AHNAK2: variants seen among roughly 807,000 people sequenced by gnomAD.
AHNAK2 encodes the protein protein AHNAK2.
In AHNAK2, 18 loss-of-function variants were observed where a neutral mutation model predicts 30.7. The ratio of observed to expected loss-of-function variants is 0.59; its 90% CI spans 0.41 to 0.87. AHNAK2 has a LOEUF of 0.87. AHNAK2 is among the 40% of genes least tolerant of loss of function. AHNAK2 has a pLI of 0.00. For synonymous variants in AHNAK2, 3,590 were observed against 3,073.8 expected, an observed-to-expected ratio of 1.17 and a Z score of -5.56; for missense variants, 8,604 against 7,373.0, an observed-to-expected ratio of 1.17 and a Z score of -6.11.
Position 104,947,975 on chromosome 14 carries a change from T to G in AHNAK2, c.7476A>C (p.Ser2492=), listed in dbSNP as rs79130434. ...RFKIPKFKMP[S]FGVSAPGKSI... ...ACTTGCCTGGGGCAGACACCCCGAATGACGGCATCTTGAACTTGGGAATTT... is the reference window on the plus strand; with the variant it reads ...ACTTGCCTGGGGCAGACACCCCGAAGGACGGCATCTTGAACTTGGGAATTT... The change falls in exon 7 of 7, where the codon TCA becomes TCC. Residue 2492 remains serine, a synonymous_variant. Coordinates refer to ENST00000333244, the MANE Select transcript of AHNAK2 (RefSeq NM_138420.4). The G allele has an allele frequency of 1.2e-4, 192 of 1,610,916 alleles. 2 individuals carry two copies. The East Asian group carries it at 2.5e-3, about 21-fold the overall frequency.
At chr14:104,973,712 C>G (rs1899531301) in intron 1 of AHNAK2, among the ~76,000 whole-genome samples, 1 of 152,238 alleles carries the variant, frequency 6.6e-6, no homozygotes, top group Middle Eastern at 3.2e-3. Flanking sequence ...CGGACTCCTG[C>G]CTGGAACAGC....
rs1300892851 is a variant in AHNAK2, at chr14:104,950,342, G to C, written c.5109C>G (p.Thr1703=). 1.3e-6 allele frequency: 2 copies of C among 1,585,188 alleles called. No homozygotes were observed. The highest frequency in any genetic ancestry group is 2.8e-5 in the African/African-American group (2 of 71,956). The part of the protein sequence containing the change: ...SLPSMQGDLK[T]TDLSIQSPSA... ...AAGGGGACTGAATGCTGAGGTCAGTGGTCTTCAGGTCCCCCTGCATGGAGG... is the reference window on the plus strand; with the variant it reads ...AAGGGGACTGAATGCTGAGGTCAGTCGTCTTCAGGTCCCCCTGCATGGAGG... Residue 1703 remains threonine (T), a synonymous_variant, in exon 7 of 7, where the codon ACC becomes ACG. Transcript: ENST00000333244.
At chr14:104,970,404 G>C in intron 1 of AHNAK2, 1 of 985,096 alleles carries the variant, frequency 1.0e-6, no homozygotes, top group Non-Finnish European at 1.2e-6. Flanking sequence ...CCACAGACCC[G>C]CGGAAGAGTG....
rs371553223 is a variant in AHNAK2 at position 104,947,857 on chromosome 14, T to C, written c.7594A>G (p.Ser2532Gly). The change falls in exon 7 of 7, where the codon AGC becomes GGC. Residue 2532 changes from serine to glycine, a missense_variant. Physicochemically the swap from Ser to Gly is moderately conservative, Grantham distance 56 (BLOSUM62 0). Coordinates refer to ENST00000333244, the MANE Select transcript of AHNAK2 (RefSeq NM_138420.4). ...AGGTCAGCGGAAGGGGGCTGAATGC[T>C]GAGGTCAGTGGCCTTGAGGTCCCCC... ...MQGDLKATDL[S>G]IQPPSADLEV... 2 of 1,612,470 alleles carry C rather than the reference T, an allele frequency of 1.2e-6. No individual in the cohort carries two copies. Among genetic ancestry groups the C allele is most frequent in the South Asian group, 2.2e-5 (2 of 91,024 alleles).
intron 1 of AHNAK2, among the ~76,000 whole-genome samples, chr14:104,970,030 G>A (rs1899430228): frequency 6.6e-6 from 1 of 152,124 alleles, no homozygotes. Flanking sequence ...CCCTTCTCCA[G>A]GCCCCACGCC....
Position 104,951,117 on chromosome 14 carries a change from A to G in AHNAK2, c.4334T>C (p.Val1445Ala), listed in dbSNP as rs199604161. 341 of 1,062,472 alleles carry G rather than the reference A, an allele frequency of 3.2e-4. 64 individuals carry two copies. Among genetic ancestry groups the G allele is most frequent in the African/African-American group, 2.9e-3 (191 of 66,848 alleles). 65.8% of individuals were successfully genotyped at this position (1,062,472 alleles called of 1,614,324 possible). Residue 1445 changes from valine to alanine, a missense_variant, in exon 7 of 7, where the codon GTG (valine) becomes GCG (alanine). By Grantham distance (64) the Val-to-Ala change is moderately conservative (BLOSUM62 0). Coordinates refer to ENST00000333244, the MANE Select transcript of AHNAK2 (RefSeq NM_138420.4). ...CTCCACATCAGGGGCTGTCACTTCCACCTTGGGGTCTTTTAGGTCCAGCTT... is the reference window on the plus strand; with the variant it reads ...CTCCACATCAGGGGCTGTCACTTCCGCCTTGGGGTCTTTTAGGTCCAGCTT... ...GPKLDLKDPK[V>A]EVTAPDVEVS...
Position 104,952,435 on chromosome 14 carries a change from G to A in AHNAK2, c.3016C>T (p.Pro1006Ser). The change falls in exon 7 of 7, where the codon CCG becomes TCG. Residue 1006 changes from proline to serine, a missense_variant. Physicochemically the swap from Pro to Ser is moderately conservative, Grantham distance 74. Coordinates refer to ENST00000333244, the MANE Select transcript of AHNAK2 (RefSeq NM_138420.4). ...CCTGGGGCCGATACCCCGAACGACG[G>A]CATCTTGAACTTGGGCATTTTGAAC... ...SKFKMPKFKM[P>S]SFGVSAPGKS... The A allele has an allele frequency of 6.2e-7, 1 of 1,612,662 alleles. No homozygotes were observed. The highest frequency in any genetic ancestry group is 8.5e-7 in the Non-Finnish European group (1 of 1,179,596).
In AHNAK2 at chr14:104,944,491, C is replaced by T. The variant is rs771707374; in HGVS notation, c.10960G>A (p.Gly3654Arg). Residue 3654 changes from glycine (G) to arginine (R), a missense_variant, in exon 7 of 7, where the codon GGG becomes AGG. Gly to Arg is a moderately radical substitution (Grantham distance 125). Transcript: ENST00000333244. ...TCCACCGAGGCCTCCATGGACTTCC[C>T]TGGGGCCGATACCCTGAATGACGGC... ...KMPSFRVSAPGKSMEASVDVS... is the reference protein window; with the variant it reads ...KMPSFRVSAPRKSMEASVDVS... 4.2e-5 allele frequency: 67 copies of T among 1,613,132 alleles called. No homozygotes were observed. The highest frequency in any genetic ancestry group is 2.7e-4 in the South Asian group (25 of 91,018).
At chr14:104,961,755 T>C (rs574360984) in intron 1 of AHNAK2, among the ~76,000 whole-genome samples, 1 of 152,276 alleles carries the variant, frequency 6.6e-6, no homozygotes, top group Middle Eastern at 3.4e-3. Flanking sequence ...GGAGGAACAC[T>C]TGAGGCCAGG....
In AHNAK2 at chr14:104,939,192, A is replaced by G. The variant is rs1230658394; in HGVS notation, c.16259T>C (p.Ile5420Thr). Residue 5420 changes from isoleucine to threonine, a missense_variant, in exon 7 of 7, where the codon ATT becomes ACT. Coordinates refer to ENST00000333244, the MANE Select transcript of AHNAK2 (RefSeq NM_138420.4). Reference sequence around the variant, plus strand: ...ACTTTCCTTACAAAGGGCTGTATCAATATTGGCCTCTGGACACTGCACTTC... The same window carrying G: ...ACTTTCCTTACAAAGGGCTGTATCAGTATTGGCCTCTGGACACTGCACTTC... The part of the protein sequence containing the change: ...VREVQCPEAN[I>T]DTALCKESPG... 3 of 1,613,744 alleles carry G rather than the reference A, an allele frequency of 1.9e-6. No homozygotes were observed. Among genetic ancestry groups the G allele is most frequent in the Non-Finnish European group, 2.5e-6 (3 of 1,179,848 alleles).
In AHNAK2 at chr14:104,943,272, T is replaced by C. The variant is rs1372944949; in HGVS notation, c.12179A>G (p.Lys4060Arg). Residue 4060 changes from lysine to arginine, a missense_variant, in exon 7 of 7, where the codon AAG (lysine) becomes AGG (arginine). By Grantham distance (26) the Lys-to-Arg change is conservative. Transcript: ENST00000333244. ...HLPKVQMPSF[K>R]MPKVDLKGPQ... ...GCCCTTGAGGTCCACTTTGGGCATCTTGAAACTGGGCATCTGCACCTTGGG... is the reference window on the plus strand; with the variant it reads ...GCCCTTGAGGTCCACTTTGGGCATCCTGAAACTGGGCATCTGCACCTTGGG... 6.2e-7 allele frequency: 1 copy of C among 1,612,882 alleles called. No homozygotes were observed. Among genetic ancestry groups the C allele is most frequent in the Non-Finnish European group, 8.5e-7 (1 of 1,179,508 alleles).
At chr14:104,959,501 G>A (rs1401466048) in intron 1 of AHNAK2, among the ~76,000 whole-genome samples, 1 of 152,286 alleles carries the variant, frequency 6.6e-6, no homozygotes, top group South Asian at 2.1e-4. Context: ...GCGGGGCATG[G>A]TGGTGCATGC....
intron 1 of AHNAK2, among the ~76,000 whole-genome samples, chr14:104,976,489 G>A (rs1899595063): frequency 6.6e-6 from 1 of 152,194 alleles, no homozygotes; most frequent in African/African-American, 2.4e-5. Flanking sequence ...TTGGCAGGGT[G>A]CTTGTCAGGA....
At position 104,949,848 on chromosome 14, in the gene AHNAK2, G is replaced by T. The variant is rs765404783; in HGVS notation, c.5603C>A (p.Thr1868Asn). 6.3e-7 allele frequency: 1 copy of T among 1,587,622 alleles called. No individual in the cohort carries two copies. The highest frequency in any genetic ancestry group is 8.6e-7 in the Non-Finnish European group (1 of 1,163,188). The stretch of plus-strand genomic sequence containing the variant: ...AGGGAGCGGAATGCAGAGGTCCGTG[G>T]TCTTGAGGTCCCCCTGCATGGAGGG... Reference protein sequence around the residue: ...SLPSMQGDLKTTDLCIPLPSA... With the variant: ...SLPSMQGDLKNTDLCIPLPSA... Residue 1868 changes from threonine to asparagine, a missense_variant, in exon 7 of 7, where the codon ACC becomes AAC. Transcript: ENST00000333244.
In AHNAK2 at chr14:104,944,175, G is replaced by T; in HGVS notation, c.11276C>A (p.Ala3759Asp). The change falls in exon 7 of 7, where the codon GCC becomes GAC. Residue 3759 changes from alanine (A) to aspartate (D), a missense_variant. Physicochemically the swap from Ala to Asp is moderately radical, Grantham distance 126. Transcript: ENST00000333244. ...DLKVSKAEVT[A>D]PDVEVSLPSV... ...GGGCAGAGACACCTCCACATCAGGG[G>T]CTGTGACTTCCGCCTTGGAGACTTT... 6.2e-7 allele frequency: 1 copy of T among 1,608,630 alleles called. No homozygotes were observed. Among genetic ancestry groups the T allele is most frequent in the Non-Finnish European group, 8.5e-7 (1 of 1,178,468 alleles).
chr14:104,943,943 A>T lies in AHNAK2; in HGVS notation c.11508T>A (p.Asp3836Glu), dbSNP rs530346059. 39 of 1,609,138 alleles carry T rather than the reference A, an allele frequency of 2.4e-5. No homozygotes were observed. The highest frequency in any genetic ancestry group is 6.7e-5 in the Admixed American group (4 of 59,640). ...VHVSAPKVEADVSLPSMQGDL... is the reference protein window; with the variant it reads ...VHVSAPKVEAEVSLPSMQGDL... Reference sequence around the variant, plus strand: ...CCCCCTGCATGGAGGGGAGACTCACATCGGCCTCCACCTTGGGTGCAGACA... The same window carrying T: ...CCCCCTGCATGGAGGGGAGACTCACTTCGGCCTCCACCTTGGGTGCAGACA... The change falls in exon 7 of 7, where the codon GAT becomes GAA. Residue 3836 changes from aspartate (D) to glutamate (E), a missense_variant. Physicochemically the swap from Asp to Glu is conservative, Grantham distance 45 (BLOSUM62 2). Transcript: ENST00000333244.
Position 104,941,087 on chromosome 14 carries a change from C to T in AHNAK2, c.14364G>A (p.Glu4788=). Residue 4788 remains glutamate, a synonymous_variant, in exon 7 of 7, where the codon GAG becomes GAA. Coordinates refer to ENST00000333244, the MANE Select transcript of AHNAK2 (RefSeq NM_138420.4). ...HFESSILSPC[E]DVTLTKYQVT... ...CCTGGTATTTTGTAAGTGTAACATC[C>T]TCACAGGGAGAGAGAATAGAAGATT... 1 of 1,613,680 alleles carries T rather than the reference C, an allele frequency of 6.2e-7. No individual in the cohort carries two copies. Among genetic ancestry groups the T allele is most frequent in the Non-Finnish European group, 8.5e-7 (1 of 1,179,888 alleles).
intron 1 of AHNAK2, among the ~76,000 whole-genome samples, chr14:104,974,198 C>G (rs1899543843): frequency 6.6e-6 from 1 of 152,244 alleles, no homozygotes; most frequent in African/African-American, 2.4e-5. Context: ...ATCCCGTCAC[C>G]CTTAGAGCGG....
chr14:104,954,316 C>T lies in AHNAK2; in HGVS notation c.1135G>A (p.Glu379Lys). Reference sequence around the variant, plus strand: ...ACTTCTCGATCCTGTTCTGCCCTCTCCTCTCTCCTGCTGCCTGTGGCAGCC... The same window carrying T: ...ACTTCTCGATCCTGTTCTGCCCTCTTCTCTCTCCTGCTGCCTGTGGCAGCC... ...TGAATGSRREERAEQDREVMP... is the reference protein window; with the variant it reads ...TGAATGSRREKRAEQDREVMP... The change falls in exon 7 of 7, where the codon GAG becomes AAG. Residue 379 changes from glutamate (E) to lysine (K), a missense_variant. Glu to Lys is a moderately conservative substitution (Grantham distance 56). Coordinates refer to ENST00000333244, the MANE Select transcript of AHNAK2 (RefSeq NM_138420.4). This position sits in a 1 kb window ranked among gnomAD's most constrained non-coding sequence, Gnocchi z 4.3. 1 of 1,613,700 alleles carries T rather than the reference C, an allele frequency of 6.2e-7. No individual in the cohort carries two copies. The highest frequency in any genetic ancestry group is 1.1e-5 in the South Asian group (1 of 91,086).
Sources: gnomAD v4.1 joint callset for allele counts (sites outside exome capture counted in the v4.1 genomes callset) on GRCh38, gnomAD v4.1.1 for gene constraint, Gnocchi (gnomAD v3.1) non-coding constraint, MANE v1.5 for transcripts, NCBI Gene and HGNC (gene_info 2026-07-23, HGNC 2026-07-21) for gene names.